The following RBFOX1 variants were observed in gnomAD, a reference collection of about 807,000 sequenced individuals.
The protein encoded by RBFOX1 is RNA binding protein fox-1 homolog 1.
Under a neutral mutation model 57.7 loss-of-function variants are expected in RBFOX1, and 8 were observed. That is an observed-to-expected ratio of 0.14 (90% CI 0.08 to 0.25). The LOEUF is 0.25. Among genes scored for constraint, RBFOX1 ranks in the 10% least tolerant of loss-of-function variants. The pLI is 1.00. For synonymous variants in RBFOX1, 326 were observed against 222.4 expected (o/e 1.47, Z -4.15); for missense variants, 611 against 548.5 (o/e 1.11, Z -1.14).
At chr16:7,651,633 T>C (rs2065081835) in intron 11 of RBFOX1, among the ~76,000 whole-genome samples, 2 of 152,176 alleles carry the variant, frequency 1.3e-5, no homozygotes, top group Admixed American at 6.5e-5. Flanking sequence ...GGGAAGAAGC[T>C]CTTCTTGGCA....
At chr16:6,834,139 A>C (rs2092916373) in intron 3 of RBFOX1, among the ~76,000 whole-genome samples, 5 of 151,604 alleles carry the variant, frequency 3.3e-5, no homozygotes, top group Admixed American at 3.3e-4. Context: ...ATCTCATCCC[A>C]CTCGGCTCAC....
intron 3 of RBFOX1, among the ~76,000 whole-genome samples, chr16:7,015,984 C>A (rs2093890765): frequency 6.6e-6 from 1 of 152,080 alleles, no homozygotes. Flanking sequence ...TAGGCAACAC[C>A]AGTAGTTATT....
intron 2 of RBFOX1, among the ~76,000 whole-genome samples, chr16:6,564,657 A>G (rs555286049): frequency 3.3e-5 from 5 of 152,214 alleles, no homozygotes; most frequent in Non-Finnish European, 2.9e-5. Context: ...GGGGAAATGG[A>G]GAGCTGTTGG....
At chr16:6,670,152 G>A (rs1449616482) in intron 3 of RBFOX1, among the ~76,000 whole-genome samples, 2 of 151,904 alleles carry the variant, frequency 1.3e-5, no homozygotes, top group Non-Finnish European at 2.9e-5. Flanking sequence ...TGGGCATGTT[G>A]TACTTACTCA....
At chr16:5,693,099 C>G (rs745893986) in intron 3 of RBFOX1, among the ~76,000 whole-genome samples, 2 of 152,148 alleles carry the variant, frequency 1.3e-5, no homozygotes, top group Non-Finnish European at 2.9e-5. Context: ...TGGAAGAGAG[C>G]TGAGTGGACA....
At chr16:5,729,757 C>T (rs1161052788) in intron 3 of RBFOX1, among the ~76,000 whole-genome samples, 1 of 152,168 alleles carries the variant, frequency 6.6e-6, no homozygotes, top group East Asian at 1.9e-4. Flanking sequence ...TCATAGAGAA[C>T]AGACACCACT....
chr16:6,859,165 G>GTATATATATGTATATATATGTA (rs1304583204), intron 3 of RBFOX1, among the ~76,000 whole-genome samples: 34 of 54,036 alleles, frequency 6.3e-4, no homozygotes, highest in South Asian at 1.7e-3. Flanking sequence ...ATATATATAC[G>GTATATATATGTATATATATGTA]TATATATATG....
intron 1 of RBFOX1, among the ~76,000 whole-genome samples, chr16:6,123,930 G>A (rs1005258370): frequency 1.3e-5 from 2 of 152,110 alleles, no homozygotes; most frequent in African/African-American, 4.8e-5. Context: ...TTTTATGTTA[G>A]GCATATTATA....
intron 2 of RBFOX1, among the ~76,000 whole-genome samples, chr16:6,431,896 G>GCTTCCTTTCTTTCTTTCTTTCTTT (rs1491277692): frequency 7.8e-6 from 1 of 128,120 alleles, no homozygotes; most frequent in Non-Finnish European, 1.6e-5. Flanking sequence ...TTGCTTGCTT[G>GCTTCCTTTCTTTCTTTCTTTCTTT]CTTTCTTTCT....
intron 4 of RBFOX1, among the ~76,000 whole-genome samples, chr16:7,185,199 C>A (rs558145438): frequency 3.3e-5 from 5 of 151,812 alleles, no homozygotes; most frequent in Admixed American, 3.3e-4. Flanking sequence ...TTATACCTCT[C>A]TCTCTCTCTC....
intron 2 of RBFOX1, among the ~76,000 whole-genome samples, chr16:5,482,135 C>T (rs1185812537): frequency 6.6e-6 from 1 of 152,174 alleles, no homozygotes; most frequent in East Asian, 1.9e-4. Context: ...CATGAGCCAT[C>T]ATTTACTGTG....
At chr16:5,454,156 G>A in intron 1 of RBFOX1, among the ~76,000 whole-genome samples, 1 of 152,182 alleles carries the variant, frequency 6.6e-6, no homozygotes, top group East Asian at 1.9e-4. Flanking sequence ...GACTCAAGGT[G>A]AAATGCAGTT....
chr16:5,854,317 T>C (rs1274374200), intron 3 of RBFOX1, among the ~76,000 whole-genome samples: 1 of 152,230 alleles, frequency 6.6e-6, no homozygotes, highest in Non-Finnish European at 1.5e-5. Flanking sequence ...TTTGTGTGTT[T>C]TGACCAACAT....
At chr16:6,419,837 A>G (rs546919228) in intron 2 of RBFOX1, among the ~76,000 whole-genome samples, 1 of 152,300 alleles carries the variant, frequency 6.6e-6, no homozygotes, top group Non-Finnish European at 1.5e-5. Flanking sequence ...TATAGGCATG[A>G]TCTCAAACTG....
intron 2 of RBFOX1, among the ~76,000 whole-genome samples, chr16:6,604,650 CAT>C (rs1291217383): frequency 6.6e-6 from 1 of 152,142 alleles, no homozygotes; most frequent in East Asian, 1.9e-4. Context: ...CATTATATAA[CAT>C]GTTCTACTTT....
chr16:5,324,555 C>T (rs2064508059), intron 1 of RBFOX1, among the ~76,000 whole-genome samples: 1 of 152,186 alleles, frequency 6.6e-6, no homozygotes. Flanking sequence ...ATGGAATCAA[C>T]CTCAGTGCCC....
At chr16:5,745,041 C>T (rs1337241487) in intron 3 of RBFOX1, among the ~76,000 whole-genome samples, 1 of 152,082 alleles carries the variant, frequency 6.6e-6, no homozygotes, top group Non-Finnish European at 1.5e-5. Context: ...TGTGCTGTAC[C>T]CATTAACTTG....
In RBFOX1 at chr16:7,558,711, A is replaced by T. The variant is rs967537252; in HGVS notation, c.271-21066A>T. ...TCCACCAGCTACCCCAGGCTGACAA[A>T]ATCAGCACCGAAAAGGCTGGAGCCC... is the stretch of plus-strand genomic sequence containing the variant. On this transcript the variant is annotated intron_variant, in intron 5 of 15. Coordinates refer to ENST00000550418, the MANE Select transcript of RBFOX1 (RefSeq NM_018723.4). 7.9e-5 allele frequency among the ~76,000 whole-genome samples: 12 copies of T among 152,280 alleles called. No individual in the cohort carries two copies. The East Asian group carries it at 2.1e-3, about 27-fold the overall frequency.
intron 1 of RBFOX1, among the ~76,000 whole-genome samples, chr16:6,086,972 C>A (rs902974999): frequency 6.6e-6 from 1 of 152,158 alleles, no homozygotes; most frequent in Non-Finnish European, 1.5e-5. Flanking sequence ...AGTCACAAAG[C>A]TGTAGCAACA....
Sources: gnomAD v4.1 joint callset for allele counts (sites outside exome capture counted in the v4.1 genomes callset) on GRCh38, gnomAD v4.1.1 for gene constraint, MANE v1.5 for transcripts, NCBI Gene and HGNC (gene_info 2026-07-23, HGNC 2026-07-21) for gene names.